PPP2R5C: variants seen among roughly 807,000 people sequenced by gnomAD.
The protein encoded by PPP2R5C is protein phosphatase 2 regulatory subunit B'gamma.
Under a neutral mutation model 68.9 loss-of-function variants are expected in PPP2R5C, and 7 were observed. The observed-to-expected ratio is 0.10, with a 90% CI of 0.06 to 0.19. The LOEUF (loss-of-function observed/expected upper bound fraction) is 0.19. PPP2R5C is among the 10% of genes least tolerant of loss of function. The pLI is 1.00. For missense variants in PPP2R5C, 348 were observed against 641.3 expected (o/e 0.54, Z 4.94); for synonymous variants, 210 against 222.2 (o/e 0.95, Z 0.49).
chr14:101,884,020 C>G (rs187871102), intron 5 of PPP2R5C, among the ~76,000 whole-genome samples: 1 of 152,158 alleles, frequency 6.6e-6, no homozygotes, highest in Non-Finnish European at 1.5e-5. Flanking sequence ...GTCTGCAGGC[C>G]GAGTCCCAAA....
intron 2 of PPP2R5C, among the ~76,000 whole-genome samples, chr14:101,772,240 ATAAAAT>A (rs756297469): frequency 6.6e-6 from 1 of 152,130 alleles, no homozygotes; most frequent in Non-Finnish European, 1.5e-5. Context: ...AAGGAAGTAG[ATAAAAT>A]TAAGGAAAGA....
Position 101,899,123 on chromosome 14 carries a change from T to C in PPP2R5C, c.853-2596T>C, listed in dbSNP as rs1279167949. Among the ~76,000 whole-genome samples, 1 of 152,226 alleles carries C rather than the reference T, an allele frequency of 6.6e-6. No individual in the cohort carries two copies. The highest frequency in any genetic ancestry group is 1.5e-5 in the Non-Finnish European group (1 of 68,044). On this transcript the variant is annotated intron_variant, in intron 8 of 13. Coordinates refer to ENST00000334743, the Ensembl canonical transcript of PPP2R5C. The surrounding 1 kb of genome is among the most constrained non-coding windows in gnomAD (Gnocchi z 4.2). ...TTTTTCATTTGCTAATTGTGTACAG[T>C]GCTCAAAAGCTTTCTGGGCACATGA...
intron 6 of PPP2R5C, among the ~76,000 whole-genome samples, chr14:101,892,746 T>C (rs1192158625): frequency 6.6e-6 from 1 of 152,102 alleles, no homozygotes; most frequent in Admixed American, 6.5e-5. Flanking sequence ...CTCGCTATAC[T>C]ACCCAGGCTA....
chr14:101,892,515 A>G (rs970997136), intron 6 of PPP2R5C, among the ~76,000 whole-genome samples: 1 of 152,178 alleles, frequency 6.6e-6, no homozygotes, highest in Non-Finnish European at 1.5e-5. Context: ...CTGTAAACCC[A>G]GAATTTTTAA....
In PPP2R5C at chr14:101,882,336, C is replaced by A; in HGVS notation, c.405+65C>A. 1 of 1,317,514 alleles carries A rather than the reference C, an allele frequency of 7.6e-7. No individual in the cohort carries two copies. The highest frequency in any genetic ancestry group is 1.1e-6 in the Non-Finnish European group (1 of 943,518). 81.6% of individuals were successfully genotyped at this position (1,317,514 alleles called of 1,614,324 possible). ...ACACATGGGAATGGCCTGGGATCCA[C>A]AGAGCGGGCGCACTGGTCTGGCCAG... On this transcript the variant is annotated intron_variant, in intron 3 of 13. Transcript: ENST00000334743. This position sits in a 1 kb window ranked among gnomAD's most constrained non-coding sequence, Gnocchi z 4.9.
At chr14:101,858,446 C>G (rs1794197221) in intron 2 of PPP2R5C, among the ~76,000 whole-genome samples, 1 of 151,866 alleles carries the variant, frequency 6.6e-6, no homozygotes, top group African/African-American at 2.4e-5. Context: ...TTTCCATCAC[C>G]TCAAGCGTTT....
intron 2 of PPP2R5C, among the ~76,000 whole-genome samples, chr14:101,867,780 A>C (rs1198767152): frequency 6.6e-6 from 1 of 151,646 alleles, no homozygotes; most frequent in Admixed American, 6.6e-5. Flanking sequence ...TCCATCAAAA[A>C]AATTAATTAA....
At chr14:101,861,790 T>C (rs1035439192) in intron 2 of PPP2R5C, among the ~76,000 whole-genome samples, 3 of 152,180 alleles carry the variant, frequency 2.0e-5, no homozygotes, top group Non-Finnish European at 2.9e-5. Context: ...AAACCAGTTA[T>C]TCGGACTTTG....
chr14:101,909,887 C>T (rs2046290131), intron 11 of PPP2R5C, among the ~76,000 whole-genome samples, 197 bp downstream of exon 13: 1 of 152,126 alleles, frequency 6.6e-6, no homozygotes, highest in South Asian at 2.1e-4. Context: ...AGCTATTCTC[C>T]CCCCTTGTAT....
chr14:101,857,630 G>T (rs896904953), intron 2 of PPP2R5C, among the ~76,000 whole-genome samples: 4 of 152,220 alleles, frequency 2.6e-5, no homozygotes, highest in Admixed American at 1.3e-4. Flanking sequence ...CCATTCCTCA[G>T]TCAGTACCAC....
intron 2 of PPP2R5C, among the ~76,000 whole-genome samples, chr14:101,871,844 C>T (rs1298455615): frequency 1.3e-5 from 2 of 152,058 alleles, no homozygotes; most frequent in Non-Finnish European, 2.9e-5. Flanking sequence ...TACCTTCAAG[C>T]GATAACATAC....
chr14:101,887,231 T>C (rs764558147), intron 5 of PPP2R5C, among the ~76,000 whole-genome samples: 1 of 152,224 alleles, frequency 6.6e-6, no homozygotes, highest in Admixed American at 6.5e-5. Context: ...CAGCGGGACC[T>C]GGAGGCTGGG....
At chr14:101,900,583 T>C (rs1037554360) in intron 8 of PPP2R5C, among the ~76,000 whole-genome samples, 3 of 152,254 alleles carry the variant, frequency 2.0e-5, no homozygotes, top group Non-Finnish European at 1.5e-5. Flanking sequence ...TGTTTTGGAT[T>C]GTTGTACTCT....
At position 101,849,832 on chromosome 14, in the gene PPP2R5C, C is replaced by T. The variant is rs192039871; in HGVS notation, c.95-6854C>T. Among the ~76,000 whole-genome samples, 382 of 152,252 alleles carry T rather than the reference C, an allele frequency of 2.5e-3. 8 individuals are homozygous for T. The South Asian group carries it at 0.051, about 20-fold the overall frequency. On this transcript the variant is annotated intron_variant, in intron 1 of 13. Coordinates refer to ENST00000334743, the Ensembl canonical transcript of PPP2R5C. ...CCCTCTGCTGTCACAAGTCAGGTGT[C>T]GATTTATGCATGAGCCTGTGTGACA...
At chr14:101,798,686 G>A (rs1428019948) in intron 3 of PPP2R5C, among the ~76,000 whole-genome samples, 1 of 152,234 alleles carries the variant, frequency 6.6e-6, no homozygotes, top group African/African-American at 2.4e-5. Flanking sequence ...TGAGCACTGT[G>A]GCCTTTTTGG....
At chr14:101,860,499 G>C (rs2140624770) in intron 2 of PPP2R5C, among the ~76,000 whole-genome samples, 1 of 152,302 alleles carries the variant, frequency 6.6e-6, no homozygotes, top group South Asian at 2.1e-4. Flanking sequence ...TGTGAACATT[G>C]ATACGCAAGC....
At chr14:101,849,674 T>TCAACCAGTCTTTTA (rs1265987990) in intron 1 of PPP2R5C, among the ~76,000 whole-genome samples, 1 of 151,306 alleles carries the variant, frequency 6.6e-6, no homozygotes, top group South Asian at 2.1e-4. Flanking sequence ...TCAGTGTAGA[T>TCAACCAGTCTTTTA]ATATGTATAT....
intron 5 of PPP2R5C, among the ~76,000 whole-genome samples, chr14:101,887,914 A>T (rs1183693371): frequency 2.0e-5 from 3 of 151,078 alleles, no homozygotes; most frequent in African/African-American, 7.3e-5. Flanking sequence ...AGTGAGAAAC[A>T]CTCTCTCCGG....
chr14:101,847,951 C>T (rs894008136), intron 1 of PPP2R5C, among the ~76,000 whole-genome samples: 3 of 152,070 alleles, frequency 2.0e-5, no homozygotes, highest in African/African-American at 4.8e-5. Context: ...CCACTGTGCC[C>T]GGCATGAGCC....
Sources: allele counts gnomAD v4.1 joint callset (sites outside exome capture counted in the v4.1 genomes callset), GRCh38; gene constraint gnomAD v4.1.1; non-coding constraint Gnocchi (gnomAD v3.1); transcripts MANE v1.5; gene names NCBI Gene and HGNC (gene_info 2026-07-23, HGNC 2026-07-21).